The following AGAP1 variants were observed in gnomAD, a reference collection of about 807,000 sequenced individuals.
The protein encoded by AGAP1 is arf-GAP with GTPase, ANK repeat and PH domain-containing protein 1.
A neutral mutation model predicts 105.3 loss-of-function variants in AGAP1; 29 were observed. The ratio of observed to expected loss-of-function variants is 0.28; its 90% CI spans 0.21 to 0.38. The LOEUF is 0.38. AGAP1 is among the 10% of genes least tolerant of loss of function. AGAP1 has a pLI of 1.00. For synonymous variants in AGAP1, 509 were observed against 485.9 expected (o/e 1.05, Z -0.63); for missense variants, 998 against 1,165.1 (o/e 0.86, Z 2.09).
In AGAP1 at chr2:236,051,489, C is replaced by T. The variant is rs754466396; in HGVS notation, c.2114+2208C>T. Among the ~76,000 whole-genome samples the T allele has an allele frequency of 1.1e-4, 17 of 151,462 alleles. No individual in the cohort carries two copies. The highest frequency in any genetic ancestry group is 2.4e-4 in the Non-Finnish European group (16 of 67,792). ...AGGGGGTGATTCCCAGGGCCAGGGCCAGGGGACCAGGTGGGAAGGCGGGCT... is the reference window on the plus strand; with the variant it reads ...AGGGGGTGATTCCCAGGGCCAGGGCTAGGGGACCAGGTGGGAAGGCGGGCT... On this transcript the variant is annotated intron_variant, in intron 16 of 17. Coordinates refer to ENST00000304032, the MANE Select transcript of AGAP1 (RefSeq NM_001037131.3). The surrounding 1 kb of genome is among the most constrained non-coding windows in gnomAD (Gnocchi z 5.9).
rs942982454 is a variant in AGAP1, at chr2:235,888,173, G to T, written c.1155+4724G>T. Among the ~76,000 whole-genome samples the T allele has an allele frequency of 1.3e-5, 2 of 152,146 alleles. No individual in the cohort carries two copies. Among genetic ancestry groups the T allele is most frequent in the Non-Finnish European group, 2.9e-5 (2 of 68,028 alleles). ...GTAAACAACTGAGTCAAGTTTAAAC[G>T]GAATAGGCCAATGTGGTTATGGGCA... On this transcript the variant is annotated intron_variant, in intron 10 of 17. Transcript: ENST00000304032. This position sits in a 1 kb window ranked among gnomAD's most constrained non-coding sequence, Gnocchi z 4.8.
intron 11 of AGAP1, among the ~76,000 whole-genome samples, chr2:235,914,067 G>T (rs1040798078): frequency 5.9e-5 from 9 of 152,034 alleles, no homozygotes; most frequent in African/African-American, 2.2e-4. Flanking sequence ...GAGAGGCGGG[G>T]TCTATTATGT....
At chr2:235,798,022 A>G (rs372105552) in intron 7 of AGAP1, 136 bp downstream of exon 7, 274 of 1,143,302 alleles carry the variant, frequency 2.4e-4, no homozygotes, top group Middle Eastern at 1.8e-3. Context: ...TTGACTTCAC[A>G]TTTTCTTCAG....
rs546569783 is a variant in AGAP1 at position 235,872,400 on chromosome 2, G to A, written c.1051-10945G>A. ...GATGGTTTTCACATGTACAAAAGTG[G>A]CATCTGAAAGATGGACAAAGTATGC... On this transcript the variant is annotated intron_variant, in intron 9 of 17. Transcript: ENST00000304032. The surrounding 1 kb of genome is among the most constrained non-coding windows in gnomAD (Gnocchi z 4.5). Among the ~76,000 whole-genome samples, 1 of 152,202 alleles carries A rather than the reference G, an allele frequency of 6.6e-6. No individual in the cohort carries two copies. Among genetic ancestry groups the A allele is most frequent in the African/African-American group, 2.4e-5 (1 of 41,448 alleles).
At chr2:235,648,110 A>G (rs1001831601) in intron 1 of AGAP1, among the ~76,000 whole-genome samples, 3 of 152,182 alleles carry the variant, frequency 2.0e-5, no homozygotes, top group African/African-American at 7.2e-5. Flanking sequence ...TTAGCTAATT[A>G]CATTGTGGGA....
chr2:235,598,840 T>C (rs1232487395), intron 1 of AGAP1, among the ~76,000 whole-genome samples: 1 of 152,168 alleles, frequency 6.6e-6, no homozygotes, highest in African/African-American at 2.4e-5. Flanking sequence ...TTTAAGATAA[T>C]TTATTTTTAG....
chr2:235,805,712 A>G (rs960500558), intron 8 of AGAP1, among the ~76,000 whole-genome samples: 1 of 152,200 alleles, frequency 6.6e-6, no homozygotes, highest in African/African-American at 2.4e-5. Context: ...AAAAAGAAAA[A>G]TGAGCCCTTG....
rs1559701148 is a variant in AGAP1 at position 235,963,999 on chromosome 2, A to G, written c.1484-4463A>G. 6.6e-6 allele frequency among the ~76,000 whole-genome samples: 1 copy of G among 152,172 alleles called. No homozygotes were observed. The highest frequency in any genetic ancestry group is 1.5e-5 in the Non-Finnish European group (1 of 68,032). ...AGAGAGTTTATGATATAATGCACCT[A>G]CTGTAGGCTCAGCATTGCACAAGTC... On this transcript the variant is annotated intron_variant, in intron 12 of 17. Transcript: ENST00000304032. The surrounding 1 kb of genome is among the most constrained non-coding windows in gnomAD (Gnocchi z 5.1).
intron 1 of AGAP1, among the ~76,000 whole-genome samples, chr2:235,613,638 T>C (rs1946212665): frequency 6.6e-6 from 1 of 151,956 alleles, no homozygotes; most frequent in Admixed American, 6.6e-5. Flanking sequence ...CTACAAGAAA[T>C]GGTAAGGAAG....
Position 235,736,681 on chromosome 2 carries a change from C to G in AGAP1, c.311-4282C>G, listed in dbSNP as rs753852246. Among the ~76,000 whole-genome samples, 19 of 152,044 alleles carry G rather than the reference C, an allele frequency of 1.2e-4. No homozygotes were observed. The highest frequency in any genetic ancestry group is 2.5e-4 in the Non-Finnish European group (17 of 68,010). On this transcript the variant is annotated intron_variant, in intron 3 of 17. Transcript: ENST00000304032. This position sits in a 1 kb window ranked among gnomAD's most constrained non-coding sequence, Gnocchi z 5.5. ...ACCAGCCTGGGCAACACAATGAGGC[C>G]CCATCTCATCTATCCAGGTGTGGCG... is the stretch of plus-strand genomic sequence containing the variant.
intron 3 of AGAP1, among the ~76,000 whole-genome samples, chr2:235,726,433 T>G (rs904311983): frequency 1.3e-5 from 2 of 152,268 alleles, no homozygotes; most frequent in African/African-American, 4.8e-5. Flanking sequence ...GTTTCACGTA[T>G]GTAATTACAA....
At chr2:235,544,430 T>C (rs1462455298) in intron 1 of AGAP1, among the ~76,000 whole-genome samples, 1 of 152,220 alleles carries the variant, frequency 6.6e-6, no homozygotes, top group East Asian at 1.9e-4. Flanking sequence ...GAAAGGATAC[T>C]CTTTGGGGCC....
intron 16 of AGAP1, among the ~76,000 whole-genome samples, chr2:236,052,253 C>G (rs2057922414): frequency 6.6e-6 from 1 of 152,206 alleles, no homozygotes; most frequent in East Asian, 1.9e-4. Context: ...TCCATTCCAT[C>G]TTGTGCAGAA....
At chr2:235,813,785 T>G (rs977502387) in intron 9 of AGAP1, among the ~76,000 whole-genome samples, 2 of 152,232 alleles carry the variant, frequency 1.3e-5, no homozygotes, top group African/African-American at 4.8e-5. Context: ...GTTCTTGCCT[T>G]AGTGTACTGG....
At chr2:235,773,954 G>C in intron 6 of AGAP1, 1 of 470,476 alleles carries the variant, frequency 2.1e-6, no homozygotes, top group South Asian at 1.6e-5. Context: ...CTCACCTGCT[G>C]GTCCATTCAG....
In AGAP1 at chr2:236,120,328, C is replaced by T. The variant is rs1326377420; in HGVS notation, c.2251C>T (p.Leu751=). The T allele has an allele frequency of 1.9e-6, 3 of 1,612,448 alleles. No individual in the cohort carries two copies. In the East Asian group the frequency reaches 6.7e-5, roughly 36 times the overall value. ...CGAGGACCTGCGGACGGCCATCCTG[C>T]TGCTGGCACACGGCTCCCGGGACGA... The part of the protein sequence containing the change: ...ADEDLRTAIL[L]LAHGSRDEVN... The change falls in exon 17 of 18, where the codon CTG becomes TTG. Residue 751 remains leucine (L), a synonymous_variant. Transcript: ENST00000304032. The surrounding 1 kb of genome is among the most constrained non-coding windows in gnomAD (Gnocchi z 6.0).
intron 1 of AGAP1, among the ~76,000 whole-genome samples, chr2:235,603,233 G>T (rs1945795341): frequency 1.4e-5 from 2 of 144,272 alleles, no homozygotes; most frequent in African/African-American, 5.0e-5. Context: ...TCTCTTGCCT[G>T]CCGCCATGTA....
In AGAP1 at chr2:235,547,451, C is replaced by T. The variant is rs527430109; in HGVS notation, c.163+52602C>T. 2.6e-5 allele frequency among the ~76,000 whole-genome samples: 4 copies of T among 151,620 alleles called. 1 individual carries two copies. In the South Asian group the frequency reaches 6.3e-4, roughly 24 times the overall value. On this transcript the variant is annotated intron_variant, in intron 1 of 17. Transcript: ENST00000304032. Reference sequence around the variant, plus strand: ...TCGGCTCACTGCAACCTCTGCCTCCCGGGTTCAAGCGATTCTCCTGCCTTA... The same window carrying T: ...TCGGCTCACTGCAACCTCTGCCTCCTGGGTTCAAGCGATTCTCCTGCCTTA...
chr2:236,075,778 C>G (rs1011072544), intron 16 of AGAP1, among the ~76,000 whole-genome samples: 1 of 152,220 alleles, frequency 6.6e-6, no homozygotes, highest in African/African-American at 2.4e-5. Context: ...GCAGTGAGAG[C>G]TGATTGCTGC....
Sources: gnomAD v4.1 joint callset for allele counts (sites outside exome capture counted in the v4.1 genomes callset) on GRCh38, gnomAD v4.1.1 for gene constraint, Gnocchi (gnomAD v3.1) non-coding constraint, MANE v1.5 for transcripts, NCBI Gene and HGNC (gene_info 2026-07-23, HGNC 2026-07-21) for gene names.